Variants in MAP4K3 observed in about 807,000 individuals in gnomAD.
MAP4K3 encodes the protein MAPK/ERK kinase kinase kinase 3.
Under a neutral mutation model 143.5 loss-of-function variants are expected in MAP4K3, and 94 were observed. The observed-to-expected ratio is 0.65, with a 90% CI of 0.55 to 0.78. The LOEUF is 0.78. MAP4K3 is among the 30% of genes least tolerant of loss of function. The probability of loss-of-function intolerance (pLI) is 0.00; values close to 1 mark genes in which losing one functional copy is unlikely to be tolerated. For synonymous variants in MAP4K3, 416 were observed against 347.2 expected (o/e 1.20, Z -2.20); for missense variants, 1,077 against 1,068.1 (o/e 1.01, Z -0.12).
intron 1 of MAP4K3, among the ~76,000 whole-genome samples, chr2:39,392,362 G>C (rs1423040315): frequency 6.6e-6 from 1 of 151,948 alleles, no homozygotes; most frequent in South Asian, 2.1e-4. Context: ...TTTATTAAGC[G>C]TGTGATACAA....
Position 39,437,156 on chromosome 2 carries a change from G to T in MAP4K3, c.-169C>A. 1 of 412,740 alleles carries T rather than the reference G, an allele frequency of 2.4e-6. No individual in the cohort carries two copies. The highest frequency in any genetic ancestry group is 4.2e-6 in the Non-Finnish European group (1 of 240,034). The allele number at this position is 412,740 out of a possible 1,614,324, so 25.6% of individuals were successfully genotyped here. A position where few individuals can be genotyped will look rare whatever the true frequency, so the allele number is the denominator to read the frequency against. On this transcript the variant is annotated 5_prime_UTR_variant, in exon 1 of 34. Coordinates refer to ENST00000263881, the MANE Select transcript of MAP4K3 (RefSeq NM_003618.4). ...CCGCCGCCGCTCCCCTCACGCCGCT[G>T]CGGACGACGACAAGCGGCCAATCGT...
intron 16 of MAP4K3, among the ~76,000 whole-genome samples, chr2:39,299,122 G>A (rs958138460): frequency 1.3e-5 from 2 of 152,078 alleles, no homozygotes; most frequent in Middle Eastern, 3.2e-3. Context: ...AAGGGGAATA[G>A]CAAAATTCTG....
intron 15 of MAP4K3, among the ~76,000 whole-genome samples, chr2:39,306,481 A>G (rs1173274991): frequency 6.6e-6 from 1 of 152,052 alleles, no homozygotes; most frequent in East Asian, 1.9e-4. Flanking sequence ...CCCTACTTCC[A>G]ATGTTGGTTC....
intron 22 of MAP4K3, 107 bp from the exon 23 acceptor site, chr2:39,280,463 C>T (rs1204646944): frequency 4.2e-6 from 2 of 477,562 alleles, no homozygotes; most frequent in Middle Eastern, 5.6e-4. Context: ...AGATAGTATA[C>T]TGAAATTATG....
intron 1 of MAP4K3, among the ~76,000 whole-genome samples, chr2:39,418,256 G>A (rs886894168): frequency 5.3e-5 from 8 of 150,024 alleles, no homozygotes; most frequent in African/African-American, 1.7e-4. Context: ...ACAGGAAAGA[G>A]CCTGAAAGAG....
chr2:39,333,864 T>G (rs941982112), intron 6 of MAP4K3, among the ~76,000 whole-genome samples: 12 of 152,142 alleles, frequency 7.9e-5, no homozygotes, highest in African/African-American at 2.9e-4. Context: ...TGTTATTTCC[T>G]CATTGATCAA....
chr2:39,264,336 A>AC, intron 28 of MAP4K3, among the ~76,000 whole-genome samples: 1 of 152,348 alleles, frequency 6.6e-6, no homozygotes, highest in Admixed American at 6.5e-5. Flanking sequence ...TGAAATTAAT[A>AC]CTTCAATAGG....
intron 1 of MAP4K3, among the ~76,000 whole-genome samples, chr2:39,393,273 G>T (rs2148598394): frequency 6.6e-6 from 1 of 152,306 alleles, no homozygotes; most frequent in Admixed American, 6.5e-5. Context: ...AAAATAAACA[G>T]AATGTTTACA....
intron 1 of MAP4K3, among the ~76,000 whole-genome samples, chr2:39,432,890 G>C (rs964705403): frequency 1.3e-5 from 2 of 152,118 alleles, no homozygotes; most frequent in Non-Finnish European, 2.9e-5. Context: ...GCTTCAGAGG[G>C]AATGGCTTCC....
chr2:39,278,107 C>A (rs1241073456), intron 24 of MAP4K3, among the ~76,000 whole-genome samples: 1 of 151,500 alleles, frequency 6.6e-6, no homozygotes, highest in Non-Finnish European at 1.5e-5. Flanking sequence ...CATGGTGAAA[C>A]CCTGTCTCTA....
intron 13 of MAP4K3, among the ~76,000 whole-genome samples, chr2:39,311,691 T>G (rs2148501569): frequency 6.6e-6 from 1 of 152,338 alleles, no homozygotes; most frequent in South Asian, 2.1e-4. Flanking sequence ...GTTACGTGAA[T>G]GAGCTTGGAA....
intron 1 of MAP4K3, among the ~76,000 whole-genome samples, chr2:39,419,166 CAA>C (rs1182095432): frequency 1.3e-5 from 2 of 151,800 alleles, no homozygotes; most frequent in East Asian, 3.9e-4. Context: ...ATAAGTTTAA[CAA>C]AAAGGTATTT....
In MAP4K3 at chr2:39,322,654, A is replaced by T. The variant is rs182893333; in HGVS notation, c.918+2864T>A. The stretch of plus-strand genomic sequence containing the variant: ...TATAGATAAATACACATATATATAT[A>T]TTTTTCTTTTTCTATTTTTTGTTTT... On this transcript the variant is annotated intron_variant, in intron 12 of 33. Coordinates refer to ENST00000263881, the MANE Select transcript of MAP4K3 (RefSeq NM_003618.4). Among the ~76,000 whole-genome samples the T allele has an allele frequency of 2.5e-3, 367 of 146,970 alleles. 6 individuals carry two copies. The East Asian group carries it at 0.034, about 14-fold the overall frequency.
At chr2:39,281,493 G>A (rs953661441) in intron 22 of MAP4K3, among the ~76,000 whole-genome samples, 4 of 152,126 alleles carry the variant, frequency 2.6e-5, no homozygotes, top group Admixed American at 6.5e-5. Context: ...CCCTAATAAC[G>A]ACCTTTTAAG....
At chr2:39,378,037 T>TTTC (rs767654756) in intron 2 of MAP4K3, 29 bp downstream of exon 2, 35 of 1,315,922 alleles carry the variant, frequency 2.7e-5, no homozygotes, top group East Asian at 2.3e-4. Context: ...TTTCTAGCAG[T>TTTC]AAGAAAAAAT....
chr2:39,291,966 C>A (rs1266481105), intron 18 of MAP4K3, among the ~76,000 whole-genome samples: 1 of 151,828 alleles, frequency 6.6e-6, no homozygotes, highest in East Asian at 1.9e-4. Context: ...TGTAACTTTA[C>A]CCAAGATCAA....
chr2:39,334,129 T>A (rs1165838392), intron 6 of MAP4K3, among the ~76,000 whole-genome samples: 1 of 152,054 alleles, frequency 6.6e-6, no homozygotes, highest in South Asian at 2.1e-4. Flanking sequence ...CTTAGGCCCA[T>A]CCAGTACATA....
chr2:39,398,293 TAAAAAAAGAA>T (rs1214936650), intron 1 of MAP4K3, among the ~76,000 whole-genome samples: 2 of 149,728 alleles, frequency 1.3e-5, no homozygotes, highest in African/African-American at 4.9e-5. Flanking sequence ...TACTATATAG[TAAAAAAAGAA>T]AAAAAAAGAT....
intron 26 of MAP4K3, among the ~76,000 whole-genome samples, chr2:39,268,731 C>T (rs1248778924): frequency 7.2e-6 from 1 of 138,918 alleles, no homozygotes; most frequent in African/African-American, 2.6e-5. Context: ...CCTCTGCCTC[C>T]CAGGTTCAAG....
Sources: gnomAD v4.1 joint callset for allele counts (sites outside exome capture counted in the v4.1 genomes callset) on GRCh38, gnomAD v4.1.1 for gene constraint, MANE v1.5 for transcripts, NCBI Gene and HGNC (gene_info 2026-07-23, HGNC 2026-07-21) for gene names.